The following NUP153 variants were observed in gnomAD, a reference collection of about 807,000 sequenced individuals.
NUP153 encodes nucleoporin 153, also known as nuclear pore complex protein Nup153.
In NUP153, 27 loss-of-function variants were observed where a neutral mutation model predicts 134.6. The ratio of observed to expected loss-of-function variants is 0.20; its 90% CI spans 0.15 to 0.28. NUP153 has a LOEUF of 0.28. Among genes scored for constraint, NUP153 ranks in the 10% least tolerant of loss-of-function variants. The pLI is 1.00. For missense variants in NUP153, 1,821 were observed against 1,731.3 expected (o/e 1.05, Z -0.92); for synonymous variants, 640 against 623.5 (o/e 1.03, Z -0.40).
chr6:17,685,548 C>T (rs1447297806), intron 2 of NUP153, among the ~76,000 whole-genome samples: 1 of 98,672 alleles, frequency 1.0e-5, no homozygotes, highest in African/African-American at 4.0e-5. Context: ...GACTCCGTCT[C>T]AAAAAAAAAA....
At chr6:17,649,374 A>AAAAT in intron 11 of NUP153, 74 bp from the exon 12 acceptor site, 1 of 1,402,474 alleles carries the variant, frequency 7.1e-7, no homozygotes, top group Non-Finnish European at 9.8e-7. Flanking sequence ...TTTCAGCATG[A>AAAAT]AAGTATACAG....
At chr6:17,637,110 C>T in intron 16 of NUP153, 43 bp downstream of exon 16, 1 of 1,544,490 alleles carries the variant, frequency 6.5e-7, no homozygotes, top group Non-Finnish European at 8.8e-7. Flanking sequence ...AACTGTTCAA[C>T]AGAAGTAATA....
chr6:17,663,260 CATAT>C (rs1554141763), intron 9 of NUP153, among the ~76,000 whole-genome samples: 3 of 139,994 alleles, frequency 2.1e-5, no homozygotes, highest in Admixed American at 7.4e-5. Context: ...CACACACACA[CATAT>C]ATATATATAT....
chr6:17,668,005 A>G lies in NUP153; in HGVS notation c.1068+970T>C, dbSNP rs1009271525. 2.6e-5 allele frequency among the ~76,000 whole-genome samples: 4 copies of G among 151,408 alleles called. No homozygotes were observed. In the East Asian group the frequency reaches 7.8e-4, roughly 29 times the overall value. ...TACTACACACAATAGATTTCACAAA[A>G]TTTTGGTTAATGAGGAAAGTATACA... is the stretch of plus-strand genomic sequence containing the variant. On this transcript the variant is annotated intron_variant, in intron 8 of 21. Coordinates refer to ENST00000262077, the MANE Select transcript of NUP153 (RefSeq NM_005124.4).
chr6:17,642,651 G>A (rs1765895052), intron 14 of NUP153, among the ~76,000 whole-genome samples: 1 of 152,144 alleles, frequency 6.6e-6, no homozygotes, highest in African/African-American at 2.4e-5. Flanking sequence ...GTTTAATACA[G>A]AACTACCATC....
rs1399022911 is a variant in NUP153 at position 17,632,647 on chromosome 6, T to C, written c.2659+3A>G. ...ACCTTTATTTTTATTTTTTTGGCCT[T>C]ACCTTTAAACCCAGATTTTGTGCCT... On this transcript the variant is annotated splice_donor_region_variant and intron_variant, in intron 17 of 21. Transcript: ENST00000262077. 6 of 1,587,380 alleles carry C rather than the reference T, an allele frequency of 3.8e-6. No homozygotes were observed. The highest frequency in any genetic ancestry group is 5.1e-6 in the Non-Finnish European group (6 of 1,168,814).
chr6:17,699,209 C>A (rs1171621018), intron 1 of NUP153, among the ~76,000 whole-genome samples: 1 of 149,358 alleles, frequency 6.7e-6, no homozygotes. Context: ...TTTTTAAATA[C>A]AAGCTAGCTG....
chr6:17,644,524 G>C (rs976995733), intron 14 of NUP153, among the ~76,000 whole-genome samples: 1 of 152,158 alleles, frequency 6.6e-6, no homozygotes, highest in African/African-American at 2.4e-5. Context: ...TCTTGTTCCT[G>C]TGCCCTTGAG....
At chr6:17,657,145 T>A (rs895022337) in intron 11 of NUP153, among the ~76,000 whole-genome samples, 4 of 152,150 alleles carry the variant, frequency 2.6e-5, no homozygotes, top group Non-Finnish European at 4.4e-5. Flanking sequence ...TATTTATAGC[T>A]TAGTTTTGGC....
At chr6:17,685,802 G>A (rs1347469475) in intron 2 of NUP153, among the ~76,000 whole-genome samples, 1 of 151,756 alleles carries the variant, frequency 6.6e-6, no homozygotes, top group Non-Finnish European at 1.5e-5. Flanking sequence ...ACTGTTTTAT[G>A]TACTTACTAT....
chr6:17,671,824 A>G (rs1459712777), intron 5 of NUP153, among the ~76,000 whole-genome samples: 1 of 152,172 alleles, frequency 6.6e-6, no homozygotes, highest in South Asian at 2.1e-4. Flanking sequence ...CCTGGCCAAC[A>G]TGGTAAAACC....
chr6:17,676,679 G>A (rs1405257235), intron 2 of NUP153, among the ~76,000 whole-genome samples: 6 of 151,996 alleles, frequency 3.9e-5, no homozygotes, highest in Non-Finnish European at 8.8e-5. Context: ...TTCAGACAGT[G>A]GAAAACAGCA....
Position 17,633,765 on chromosome 6 carries a change from G to A in NUP153, c.2465-921C>T, listed in dbSNP as rs1424877501. ...TTCTGGTATTCCTACTTCTCTAGATGGCCTACAACTGTCGCCACCTCTTCC... is the reference window on the plus strand; with the variant it reads ...TTCTGGTATTCCTACTTCTCTAGATAGCCTACAACTGTCGCCACCTCTTCC... On this transcript the variant is annotated intron_variant, in intron 16 of 21. Coordinates refer to ENST00000262077, the MANE Select transcript of NUP153 (RefSeq NM_005124.4). Among the ~76,000 whole-genome samples the A allele has an allele frequency of 2.6e-5, 4 of 152,218 alleles. 1 individual carries two copies. Among genetic ancestry groups the A allele is most frequent in the Admixed American group, 2.0e-4 (3 of 15,290 alleles).
intron 11 of NUP153, among the ~76,000 whole-genome samples, chr6:17,656,714 C>T (rs1216749867): frequency 1.3e-5 from 2 of 152,128 alleles, no homozygotes; most frequent in South Asian, 2.1e-4. Context: ...TCTGTCTCCC[C>T]GCAAATTGGC....
At chr6:17,641,253 C>T (rs180724785) in intron 14 of NUP153, among the ~76,000 whole-genome samples, 49 of 152,024 alleles carry the variant, frequency 3.2e-4, no homozygotes, top group African/African-American at 1.0e-3. Flanking sequence ...AAACAAGATG[C>T]GGCCAGGCAC....
At chr6:17,653,831 A>G (rs1172995751) in intron 11 of NUP153, among the ~76,000 whole-genome samples, 3 of 152,214 alleles carry the variant, frequency 2.0e-5, no homozygotes, top group African/African-American at 2.4e-5. Flanking sequence ...AGATGTAAGC[A>G]TTTGTCAAAT....
Position 17,628,727 on chromosome 6 carries a change from G to A in NUP153, c.3472C>T (p.Pro1158Ser), listed in dbSNP as rs1765074764. The A allele has an allele frequency of 4.3e-6, 7 of 1,614,016 alleles. No individual in the cohort carries two copies. The highest frequency in any genetic ancestry group is 5.9e-6 in the Non-Finnish European group (7 of 1,179,990). ...GGCTGTTCAGATTCCTTCTCAGATG[G>A]TTTTGTCATACTAAAACTAAATGTG... ...KSTFSFSMTK[P>S]SEKESEQPAK... The change falls in exon 18 of 22, where the codon CCA becomes TCA. Residue 1158 changes from proline to serine, a missense_variant. By Grantham distance (74) the Pro-to-Ser change is moderately conservative (BLOSUM62 -1). Transcript: ENST00000262077. The surrounding 1 kb of genome is among the most constrained non-coding windows in gnomAD (Gnocchi z 5.4).
Position 17,662,054 on chromosome 6 carries a change from T to A in NUP153, c.1232A>T (p.Asn411Ile). The A allele has an allele frequency of 6.2e-7, 1 of 1,611,486 alleles. No homozygotes were observed. Among genetic ancestry groups the A allele is most frequent in the Non-Finnish European group, 8.5e-7 (1 of 1,178,342 alleles). Residue 411 changes from asparagine (N) to isoleucine (I), a missense_variant, in exon 10 of 22, where the codon AAT becomes ATT. By Grantham distance (149) the Asn-to-Ile change is moderately radical (BLOSUM62 -3). Coordinates refer to ENST00000262077, the MANE Select transcript of NUP153 (RefSeq NM_005124.4). ...DNKCSTGYEK[N>I]MTPGQNREQR... ...TTCTCTATTTTGTCCGGGTGTCATA[T>A]TTTTTTCATATCCAGTCTGCAGGGG...
chr6:17,640,650 G>C (rs75076621), intron 14 of NUP153, among the ~76,000 whole-genome samples: 5,034 of 152,232 alleles, frequency 0.033, 119 homozygotes, highest in African/African-American at 0.061. Flanking sequence ...TGAGTGTCTT[G>C]TTGTCAGCAA....
Sources: allele counts gnomAD v4.1 joint callset (sites outside exome capture counted in the v4.1 genomes callset), GRCh38; gene constraint gnomAD v4.1.1; non-coding constraint Gnocchi (gnomAD v3.1); transcripts MANE v1.5; gene names NCBI Gene and HGNC (gene_info 2026-07-23, HGNC 2026-07-21).